The following DHRS2 variants were observed in gnomAD, a reference collection of about 807,000 sequenced individuals.
The protein encoded by DHRS2 is dehydrogenase/reductase SDR family member 2, mitochondrial.
A neutral mutation model predicts 26.3 loss-of-function variants in DHRS2; 29 were observed. The ratio of observed to expected loss-of-function variants is 1.10; its 90% confidence interval spans 0.82 to 1.50. The LOEUF (loss-of-function observed/expected upper bound fraction) is 1.50. Among genes scored for constraint, DHRS2 ranks in the 40% most tolerant of loss-of-function variants. DHRS2 has a pLI of 0.00. For synonymous variants in DHRS2, 164 were observed against 151.3 expected (o/e 1.08, Z -0.62); for missense variants, 439 against 367.1 (o/e 1.20, Z -1.60).
intron 4 of DHRS2, chr14:23,642,023 C>T (rs1169681574): frequency 9.0e-7 from 1 of 1,110,504 alleles, no homozygotes; most frequent in East Asian, 7.4e-5. Context: ...TCTTTCACTT[C>T]TCCCCCGTTC....
chr14:23,641,560 GC>G lies in DHRS2; in HGVS notation c.421-1590del, dbSNP rs777966392. On this transcript the variant is annotated intron_variant, in intron 4 of 8. Coordinates refer to ENST00000250383, the MANE Select transcript of DHRS2 (RefSeq NM_005794.4). Reference sequence around the variant, plus strand: ...GGGTCTTACCTCAGCCCCTCACTCAGCCTGATGCACATGGAGTATTGGACAG... The same window carrying G: ...GGGTCTTACCTCAGCCCCTCACTCAGCTGATGCACATGGAGTATTGGACAG... The G allele has an allele frequency of 2.4e-4, 306 of 1,265,506 alleles. 1 individual carries two copies. Among genetic ancestry groups the G allele is most frequent in the Admixed American group, 9.6e-4 (40 of 41,808 alleles). 78.4% of individuals were successfully genotyped at this position (1,265,506 alleles called of 1,614,324 possible). A position where few individuals can be genotyped will look rare whatever the true frequency, so the allele number is the denominator to read the frequency against.
In DHRS2 at chr14:23,639,238, G is replaced by A; in HGVS notation, c.200G>A (p.Ser67Asn). ...GACGGGGCCCACGTGGTCATCAGCA[G>A]CCGGAAGCAGCAGAACGTGGACCGG... is the stretch of plus-strand genomic sequence containing the variant. The part of the protein sequence containing the change: ...ARDGAHVVIS[S>N]RKQQNVDRAM... The change falls in exon 3 of 9, where the codon AGC (serine) becomes AAC (asparagine). Residue 67 changes from serine to asparagine, a missense_variant. Coordinates refer to ENST00000250383, the MANE Select transcript of DHRS2 (RefSeq NM_005794.4). 1 of 1,613,880 alleles carries A rather than the reference G, an allele frequency of 6.2e-7. No individual in the cohort carries two copies. The highest frequency in any genetic ancestry group is 8.5e-7 in the Non-Finnish European group (1 of 1,179,908).
chr14:23,634,865 C>A (rs1018604903), upstream of DHRS2, among the ~76,000 whole-genome samples: 4 of 152,090 alleles, frequency 2.6e-5, no homozygotes, highest in Middle Eastern at 3.2e-3. Context: ...CTCATGAGAT[C>A]TGGTTGTTTG....
chr14:23,630,410 C>G (rs2138350922), intron 1 of DHRS2, among the ~76,000 whole-genome samples: 2 of 152,340 alleles, frequency 1.3e-5, no homozygotes, highest in Middle Eastern at 6.8e-3. Context: ...GCAGCTCAGT[C>G]TATTTCTTCT....
Position 23,636,790 on chromosome 14 carries a change from C to T in DHRS2, c.-39+18C>T, listed in dbSNP as rs375518893. The T allele has an allele frequency of 1.8e-4, 27 of 152,324 alleles. No homozygotes were observed. Among genetic ancestry groups the T allele is most frequent in the African/African-American group, 6.0e-4 (25 of 41,572 alleles). 9.4% of individuals were successfully genotyped at this position (152,324 alleles called of 1,614,324 possible). ...GCCAAGTGGTGAGTACCATCAGATCCCTTTCATTTGCTATTCTGTCCTATT... is the reference window on the plus strand; with the variant it reads ...GCCAAGTGGTGAGTACCATCAGATCTCTTTCATTTGCTATTCTGTCCTATT... On this transcript the variant is annotated intron_variant, in intron 1 of 8. Coordinates refer to ENST00000250383, the MANE Select transcript of DHRS2 (RefSeq NM_005794.4).
chr14:23,641,743 C>G, intron 4 of DHRS2: 1 of 1,289,640 alleles, frequency 7.8e-7, no homozygotes, highest in Non-Finnish European at 1.0e-6. Context: ...ACACTGGTAA[C>G]CTGTCATCAA....
Position 23,645,136 on chromosome 14 carries a change from A to G in DHRS2, c.732-6A>G. 2 of 1,614,046 alleles carry G rather than the reference A, an allele frequency of 1.2e-6. No homozygotes were observed. The highest frequency in any genetic ancestry group is 8.5e-7 in the Non-Finnish European group (1 of 1,179,934). ...ATGCTTGACACTGTGTCCTTCTTCC[A>G]TCCAGGATTGGGGAGTCAGAGGACT... On this transcript the variant is annotated splice_region_variant and splice_polypyrimidine_tract_variant and intron_variant, in intron 8 of 8. Transcript: ENST00000250383.
chr14:23,639,945 C>T, intron 4 of DHRS2, 50 bp downstream of exon 4: 1 of 1,425,176 alleles, frequency 7.0e-7, no homozygotes, highest in Non-Finnish European at 9.3e-7. Context: ...TCCAGCTCTG[C>T]ACTGGGCTCC....
chr14:23,634,408 A>G (rs1434098724), upstream of DHRS2, among the ~76,000 whole-genome samples: 1 of 151,988 alleles, frequency 6.6e-6, no homozygotes, highest in African/African-American at 2.4e-5. Flanking sequence ...CCACAGCTCT[A>G]CTGCGGAAAT....
chr14:23,640,790 G>T (rs1026127145), intron 4 of DHRS2: 1 of 152,232 alleles, frequency 6.6e-6, no homozygotes, highest in Non-Finnish European at 1.5e-5. Flanking sequence ...CCTCAGAGAT[G>T]ATCTGAAATT....
intron 5 of DHRS2, 68 bp from the exon 6 acceptor site, chr14:23,644,043 C>A: frequency 6.7e-7 from 1 of 1,484,492 alleles, no homozygotes; most frequent in Non-Finnish European, 9.4e-7. Context: ...ATTTAATGAA[C>A]TCATGATAGT....
At chr14:23,632,253 G>A (rs968945271), upstream of DHRS2, among the ~76,000 whole-genome samples, 2 of 152,134 alleles carry the variant, frequency 1.3e-5, no homozygotes, top group Non-Finnish European at 2.9e-5. Context: ...GAGTTCCCCA[G>A]GGGGGGCATA....
upstream of DHRS2, among the ~76,000 whole-genome samples, chr14:23,635,494 C>G (rs997041446): frequency 6.6e-6 from 1 of 152,134 alleles, no homozygotes; most frequent in African/African-American, 2.4e-5. Context: ...GATGCAAGTT[C>G]CCTCTACAGA....
intron 5 of DHRS2, 98 bp from the exon 6 acceptor site, chr14:23,644,013 G>C: frequency 8.0e-7 from 1 of 1,250,000 alleles, no homozygotes; most frequent in Non-Finnish European, 1.2e-6. Flanking sequence ...GACCTGTGTT[G>C]CTTCTGTGAG....
intron 1 of DHRS2, among the ~76,000 whole-genome samples, chr14:23,630,973 C>T (rs1215164828): frequency 6.6e-6 from 1 of 152,062 alleles, no homozygotes; most frequent in African/African-American, 2.4e-5. Context: ...AGGTAGTAGG[C>T]ATCATAGATA....
intron 4 of DHRS2, chr14:23,641,747 TC>T (rs1322593897): frequency 6.2e-5 from 80 of 1,289,342 alleles, no homozygotes; most frequent in Non-Finnish European, 7.9e-5. Flanking sequence ...TGGTAACCTG[TC>T]ATCAAATGGG....
In DHRS2 at chr14:23,645,276, G is replaced by T; in HGVS notation, c.*23G>T. On this transcript the variant is annotated 3_prime_UTR_variant, in exon 9 of 9. Coordinates refer to ENST00000250383, the MANE Select transcript of DHRS2 (RefSeq NM_005794.4). Reference sequence around the variant, plus strand: ...TGAGAGGAGTGGGGGCGGCTGCGTAGCTGTGGTCCCAGGCCCAGGAGCCTG... The same window carrying T: ...TGAGAGGAGTGGGGGCGGCTGCGTATCTGTGGTCCCAGGCCCAGGAGCCTG... 1 of 1,613,934 alleles carries T rather than the reference G, an allele frequency of 6.2e-7. No individual in the cohort carries two copies. Among genetic ancestry groups the T allele is most frequent in the South Asian group, 1.1e-5 (1 of 91,082 alleles).
intron 1 of DHRS2, among the ~76,000 whole-genome samples, chr14:23,637,507 A>G (rs1357607233): frequency 6.6e-6 from 1 of 152,058 alleles, no homozygotes; most frequent in East Asian, 1.9e-4. Context: ...CACTTTTCCA[A>G]CCCTGGAGAC....
intron 3 of DHRS2, 59 bp downstream of exon 3, chr14:23,639,415 C>T (rs984805511): frequency 1.5e-5 from 23 of 1,493,758 alleles, no homozygotes; most frequent in Non-Finnish European, 1.8e-5. Flanking sequence ...CTTTCCTTCA[C>T]TGCTTGGCCC....
Sources: allele counts gnomAD v4.1 joint callset (sites outside exome capture counted in the v4.1 genomes callset), GRCh38; gene constraint gnomAD v4.1.1; transcripts MANE v1.5; gene names NCBI Gene and HGNC (gene_info 2026-07-23, HGNC 2026-07-21).